Variants in LRRC14B observed in about 807,000 individuals in gnomAD.
The protein encoded by LRRC14B is leucine rich repeat containing 14B.
In LRRC14B, 23 loss-of-function variants were observed where a neutral mutation model predicts 16.9. The observed-to-expected ratio is 1.36, with a 90% confidence interval of 0.98 to 1.92. The LOEUF (loss-of-function observed/expected upper bound fraction) is 1.92. Ranked by LOEUF, LRRC14B falls within the 30% of genes most tolerant of loss-of-function variation. The pLI is 0.00. For synonymous variants in LRRC14B, 358 were observed against 332.5 expected (o/e 1.08, Z -0.83); for missense variants, 766 against 705.7 (o/e 1.09, Z -0.97).
At position 196,209 on chromosome 5, in the gene LRRC14B, C is replaced by A. The variant is rs1344609695; in HGVS notation, c.*856C>A. On this transcript the variant is annotated 3_prime_UTR_variant, in exon 2 of 2. Coordinates refer to ENST00000328278, the MANE Select transcript of LRRC14B (RefSeq NM_001080478.3). ...AATTGAAGGTCTAGCACTTGACCAGCCCCTGGAGGAGCTGACAACCACCTA... is the reference window on the plus strand; with the variant it reads ...AATTGAAGGTCTAGCACTTGACCAGACCCTGGAGGAGCTGACAACCACCTA... 6.6e-6 allele frequency: 1 copy of A among 152,190 alleles called. No homozygotes were observed. Among genetic ancestry groups the A allele is most frequent in the African/African-American group, 2.4e-5 (1 of 41,440 alleles). 9.4% of individuals were successfully genotyped at this position (152,190 alleles called of 1,614,324 possible).
intron 1 of LRRC14B, among the ~76,000 whole-genome samples, chr5:193,716 T>C (rs997685332): frequency 6.7e-6 from 1 of 149,590 alleles, no homozygotes; most frequent in Admixed American, 6.6e-5. Context: ...ATGCCTGGCG[T>C]GGTTTCTCAG....
intron 1 of LRRC14B, among the ~76,000 whole-genome samples, chr5:193,434 G>A (rs1359124042): frequency 6.7e-6 from 1 of 149,756 alleles, no homozygotes; most frequent in African/African-American, 2.5e-5. Context: ...GGGGGCTGGG[G>A]GCACATGGCA....
chr5:193,702 G>C (rs1278078035), intron 1 of LRRC14B, among the ~76,000 whole-genome samples: 2 of 151,808 alleles, frequency 1.3e-5, no homozygotes, highest in African/African-American at 4.8e-5. Context: ...CTTGGGCAGG[G>C]GGCATGCCTG....
In LRRC14B at chr5:194,821, T is replaced by A; in HGVS notation, c.1013T>A (p.Leu338His). The change falls in exon 2 of 2, where the codon CTC becomes CAC. Residue 338 changes from leucine (L) to histidine (H), a missense_variant. Physicochemically the swap from Leu to His is moderately conservative, Grantham distance 99. Transcript: ENST00000328278. ...AHAAHLEVLD[L>H]SGHNLVSLYP... ...GCTGCCCACCTGGAGGTGCTGGACC[T>A]CAGTGGACACAACCTGGTCAGCCTG... 1 of 1,604,558 alleles carries A rather than the reference T, an allele frequency of 6.2e-7. No homozygotes were observed. The highest frequency in any genetic ancestry group is 8.5e-7 in the Non-Finnish European group (1 of 1,175,516).
chr5:193,522 C>T (rs1440565747), intron 1 of LRRC14B, among the ~76,000 whole-genome samples: 1 of 133,666 alleles, frequency 7.5e-6, no homozygotes, highest in Non-Finnish European at 1.6e-5. Flanking sequence ...GGTGGTGGGT[C>T]CTGAAGTGGG....
At position 195,038 on chromosome 5, in the gene LRRC14B, C is replaced by A; in HGVS notation, c.1230C>A (p.Thr410=). 4 of 1,613,394 alleles carry A rather than the reference C, an allele frequency of 2.5e-6. No homozygotes were observed. The highest frequency in any genetic ancestry group is 1.7e-6 in the Non-Finnish European group (2 of 1,179,880). Residue 410 remains threonine (T), a synonymous_variant, in exon 2 of 2, where the codon ACC becomes ACA. Transcript: ENST00000328278. ...CCCGCGCCCTCCGGCGCCTCTTCAC[C>A]GCACTCTGTGAGCTCCCCGAGCTGC... ...LSARALRRLF[T]ALCELPELRC...
rs770430002 is a variant in LRRC14B, at chr5:195,099, C to A, written c.1291C>A (p.Pro431Thr). 8 of 1,613,916 alleles carry A rather than the reference C, an allele frequency of 5.0e-6. No homozygotes were observed. The highest frequency in any genetic ancestry group is 6.8e-6 in the Non-Finnish European group (8 of 1,179,906). ...GTTCCCGGTGCCCAAGGACTGCTAC[C>A]CCGAGGGTGCCGCCTACCCACAGGA... is the stretch of plus-strand genomic sequence containing the variant. ...IEFPVPKDCY[P>T]EGAAYPQDEL... The change falls in exon 2 of 2, where the codon CCC (proline) becomes ACC (threonine). Residue 431 changes from proline to threonine, a missense_variant. Pro to Thr is a conservative substitution (Grantham distance 38, BLOSUM62 -1). Transcript: ENST00000328278.
Position 192,103 on chromosome 5 carries a change from C to T in LRRC14B, c.565C>T (p.Pro189Ser), listed in dbSNP as rs749744687. ...CCCGGCCCCTCTGCGGGTGCACTGC[C>T]CCTCGTTCCGGGCGGACAGCCTGAG... is the stretch of plus-strand genomic sequence containing the variant. ...AGPAPLRVHC[P>S]SFRADSLSPS... Residue 189 changes from proline (P) to serine (S), a missense_variant, in exon 1 of 2, where the codon CCC (proline) becomes TCC (serine). By Grantham distance (74) the Pro-to-Ser change is moderately conservative. Transcript: ENST00000328278. 6.4e-7 allele frequency: 1 copy of T among 1,558,572 alleles called. No homozygotes were observed. The highest frequency in any genetic ancestry group is 1.2e-5 in the South Asian group (1 of 85,362).
chr5:194,925 G>C lies in LRRC14B; in HGVS notation c.1117G>C (p.Val373Leu), dbSNP rs200063605. The C allele has an allele frequency of 6.2e-7, 1 of 1,611,524 alleles. No individual in the cohort carries two copies. The highest frequency in any genetic ancestry group is 1.7e-5 in the Admixed American group (1 of 59,578). Residue 373 changes from valine to leucine, a missense_variant, in exon 2 of 2, where the codon GTA becomes CTA. By Grantham distance (32) the Val-to-Leu change is conservative (BLOSUM62 1). Transcript: ENST00000328278. ...RILTLEECGI[V>L]DSHVGMLILG... ...CCTGACACTGGAGGAGTGTGGCATC[G>C]TAGACAGCCACGTTGGCATGCTGAT...
rs1298200129 is a variant in LRRC14B, at chr5:191,613, C to A, written c.75C>A (p.Ser25Arg). Residue 25 changes from serine (S) to arginine (R), a missense_variant, in exon 1 of 2, where the codon AGC becomes AGA. By Grantham distance (110) the Ser-to-Arg change is moderately radical. Transcript: ENST00000328278. The stretch of plus-strand genomic sequence containing the variant: ...CCCACCCCCAGGTGGCCCGGCAGAG[C>A]CTGGACAGCGTGGCCCACAACCTCT... ...LVSHPQVARQ[S>R]LDSVAHNLYP... 4 of 1,611,608 alleles carry A rather than the reference C, an allele frequency of 2.5e-6. No individual in the cohort carries two copies. The highest frequency in any genetic ancestry group is 1.3e-5 in the African/African-American group (1 of 74,892).
Position 191,776 on chromosome 5 carries a change from G to T in LRRC14B, c.238G>T (p.Asp80Tyr). Residue 80 changes from aspartate (D) to tyrosine (Y), a missense_variant, in exon 1 of 2, where the codon GAC becomes TAC. Asp to Tyr is a radical substitution (Grantham distance 160, BLOSUM62 -3). Coordinates refer to ENST00000328278, the MANE Select transcript of LRRC14B (RefSeq NM_001080478.3). ...TGCCGACCACCCCCAGGACCTGCGCGACAGAACCTGCAGGGCCTGCCTGGA... is the reference window on the plus strand; with the variant it reads ...TGCCGACCACCCCCAGGACCTGCGCTACAGAACCTGCAGGGCCTGCCTGGA... Reference protein sequence around the residue: ...PGADHPQDLRDRTCRACLEAL... With the variant: ...PGADHPQDLRYRTCRACLEAL... 1 of 1,541,808 alleles carries T rather than the reference G, an allele frequency of 6.5e-7. No homozygotes were observed. The highest frequency in any genetic ancestry group is 2.4e-5 in the East Asian group (1 of 40,892).
rs567995035 is a variant in LRRC14B at position 195,764 on chromosome 5, G to A, written c.*411G>A. The A allele has an allele frequency of 4.1e-4, 85 of 209,402 alleles. No homozygotes were observed. Among genetic ancestry groups the A allele is most frequent in the African/African-American group, 1.9e-3 (80 of 42,988 alleles). The allele number at this position is 209,402 out of a possible 1,614,324, so 13.0% of individuals were successfully genotyped here. On this transcript the variant is annotated 3_prime_UTR_variant, in exon 2 of 2. Transcript: ENST00000328278. The stretch of plus-strand genomic sequence containing the variant: ...GGGCTCCACAGCAGGGAGGGGGAGG[G>A]GAAGAGAGAACACATCACAGAAACT...
Position 192,295 on chromosome 5 carries a change from G to A in LRRC14B, c.757G>A (p.Ala253Thr). ...SLTLPTKAFD[A>T]PPTYASTPDG... ...CACCCTGCCCACCAAGGCCTTTGAT[G>A]CACCCCCCACCTACGCCTCCACTCC... is the stretch of plus-strand genomic sequence containing the variant. The change falls in exon 1 of 2, where the codon GCA becomes ACA. Residue 253 changes from alanine to threonine, a missense_variant. Transcript: ENST00000328278. 1.9e-6 allele frequency: 3 copies of A among 1,600,090 alleles called. No homozygotes were observed. The highest frequency in any genetic ancestry group is 2.6e-6 in the Non-Finnish European group (3 of 1,174,604).
rs552008286 is a variant in LRRC14B at position 191,711 on chromosome 5, C to G, written c.173C>G (p.Pro58Arg). ...EVTRAVLGRW[P>R]LEEFRLGALL... ...ACGCGCGCGGTGCTGGGGCGCTGGC[C>G]CCTGGAGGAGTTCCGGCTGGGAGCG... Residue 58 changes from proline to arginine, a missense_variant, in exon 1 of 2, where the codon CCC becomes CGC. Coordinates refer to ENST00000328278, the MANE Select transcript of LRRC14B (RefSeq NM_001080478.3). 1.9e-6 allele frequency: 3 copies of G among 1,586,108 alleles called. No individual in the cohort carries two copies. Among genetic ancestry groups the G allele is most frequent in the Non-Finnish European group, 2.6e-6 (3 of 1,166,956 alleles).
chr5:195,365 G>A lies in LRRC14B; in HGVS notation c.*12G>A, dbSNP rs755325150. 24 of 1,594,448 alleles carry A rather than the reference G, an allele frequency of 1.5e-5. No individual in the cohort carries two copies. Among genetic ancestry groups the A allele is most frequent in the African/African-American group, 4.0e-5 (3 of 74,740 alleles). On this transcript the variant is annotated 3_prime_UTR_variant, in exon 2 of 2. Coordinates refer to ENST00000328278, the MANE Select transcript of LRRC14B (RefSeq NM_001080478.3). ...AACAAATAGAGTAGTTCCTCCACTC[G>A]CACCAGTGACAGGTCTTGCATTTCA...
Position 191,738 on chromosome 5 carries a change from T to C in LRRC14B, c.200T>C (p.Leu67Pro), listed in dbSNP as rs777685835. ...CTGGAGGAGTTCCGGCTGGGAGCGC[T>C]GCTGGGTCCTGGTGCCGACCACCCC... ...WPLEEFRLGA[L>P]LGPGADHPQD... is the part of the protein sequence containing the mutation. Residue 67 changes from leucine to proline, a missense_variant, in exon 1 of 2, where the codon CTG (leucine) becomes CCG (proline). Coordinates refer to ENST00000328278, the MANE Select transcript of LRRC14B (RefSeq NM_001080478.3). 2 of 1,563,506 alleles carry C rather than the reference T, an allele frequency of 1.3e-6. No homozygotes were observed. Among genetic ancestry groups the C allele is most frequent in the Non-Finnish European group, 1.7e-6 (2 of 1,155,710 alleles).
chr5:192,003 C>G lies in LRRC14B; in HGVS notation c.465C>G (p.Pro155=). The change falls in exon 1 of 2, where the codon CCC becomes CCG. Residue 155 remains proline (P), a synonymous_variant. Transcript: ENST00000328278. ...CAGAGCCCCTCGCAGCCGGGCGCCC[C>G]GTCGAGGTCCTCGCCGACCTCTTCG... is the stretch of plus-strand genomic sequence containing the variant. ...LQAEPLAAGR[P]VEVLADLFVT... 2 of 1,534,142 alleles carry G rather than the reference C, an allele frequency of 1.3e-6. No individual in the cohort carries two copies. The highest frequency in any genetic ancestry group is 1.7e-6 in the Non-Finnish European group (2 of 1,145,912).
intron 1 of LRRC14B, among the ~76,000 whole-genome samples, chr5:193,876 T>A (rs1012178391): frequency 3.3e-5 from 5 of 152,066 alleles, no homozygotes; most frequent in East Asian, 1.9e-4. Context: ...CCCAGCTGTG[T>A]CCCCCGGCTC....
At position 191,726 on chromosome 5, in the gene LRRC14B, G is replaced by C. The variant is rs200788659; in HGVS notation, c.188G>C (p.Arg63Pro). The C allele has an allele frequency of 4.7e-4, 745 of 1,574,014 alleles. 2 individuals carry two copies. In the African/African-American group the frequency reaches 9.0e-3, roughly 19 times the overall value. The part of the protein sequence containing the change: ...VLGRWPLEEF[R>P]LGALLGPGAD... The stretch of plus-strand genomic sequence containing the variant: ...GGGCGCTGGCCCCTGGAGGAGTTCC[G>C]GCTGGGAGCGCTGCTGGGTCCTGGT... The change falls in exon 1 of 2, where the codon CGG (arginine) becomes CCG (proline). Residue 63 changes from arginine (R) to proline (P), a missense_variant. By Grantham distance (103) the Arg-to-Pro change is moderately radical. Transcript: ENST00000328278.
Sources: allele counts gnomAD v4.1 joint callset (sites outside exome capture counted in the v4.1 genomes callset), GRCh38; gene constraint gnomAD v4.1.1; transcripts MANE v1.5; gene names NCBI Gene and HGNC (gene_info 2026-07-23, HGNC 2026-07-21).